CACNA1C: variants seen among roughly 807,000 people sequenced by gnomAD.
CACNA1C encodes calcium voltage-gated channel subunit alpha1 C, also known as voltage-dependent L-type calcium channel subunit alpha-1C.
Under a neutral mutation model 229.0 loss-of-function variants are expected in CACNA1C, and 30 were observed. The ratio of observed to expected loss-of-function variants is 0.13; its 90% CI spans 0.10 to 0.18. CACNA1C has a LOEUF of 0.18. CACNA1C is among the 10% of genes least tolerant of loss of function. The probability of loss-of-function intolerance (pLI) is 1.00; values close to 1 mark genes in which losing one functional copy is unlikely to be tolerated. For missense variants in CACNA1C, 1,658 were observed against 2,845.0 expected, an observed-to-expected ratio of 0.58 and a Z score of 9.49; for synonymous variants, 1,114 against 1,132.5, an observed-to-expected ratio of 0.98 and a Z score of 0.33.
At chr12:2,402,497 G>A (rs962282755) in intron 3 of CACNA1C, among the ~76,000 whole-genome samples, 1 of 152,244 alleles carries the variant, frequency 6.6e-6, no homozygotes, top group African/African-American at 2.4e-5. Context: ...AGGGTTTGCT[G>A]TCCCAGGCCT....
chr12:2,308,099 A>T (rs543565180), intron 3 of CACNA1C, among the ~76,000 whole-genome samples: 14 of 152,338 alleles, frequency 9.2e-5, no homozygotes, highest in African/African-American at 3.4e-4. Context: ...AAAACTGTGT[A>T]ATTATAGGAA....
intron 3 of CACNA1C, among the ~76,000 whole-genome samples, chr12:2,228,383 C>T (rs1467372639): frequency 6.6e-6 from 1 of 152,154 alleles, no homozygotes; most frequent in African/African-American, 2.4e-5. Context: ...AACTTACTTG[C>T]CCAGGTCTTA....
intron 1 of CACNA1C, among the ~76,000 whole-genome samples, chr12:2,091,530 A>G (rs1312286342): frequency 6.6e-6 from 1 of 152,206 alleles, no homozygotes; most frequent in Non-Finnish European, 1.5e-5. Flanking sequence ...CTCTACCTGC[A>G]AAGAGAACAA....
At position 2,275,742 on chromosome 12, in the gene CACNA1C, G is replaced by T. The variant is rs1411006012; in HGVS notation, c.477+155312G>T. Among the ~76,000 whole-genome samples the T allele has an allele frequency of 2.0e-5, 3 of 152,224 alleles. No individual in the cohort carries two copies. Among genetic ancestry groups the T allele is most frequent in the African/African-American group, 7.2e-5 (3 of 41,458 alleles). On this transcript the variant is annotated intron_variant, in intron 3 of 46. Transcript: ENST00000399655. The surrounding 1 kb of genome is among the most constrained non-coding windows in gnomAD (Gnocchi z 4.1). ...AGGAAACCATCGTTAGGGCACGGAA[G>T]CATAGGTGGGAGAAGACAGCCAGCA...
intron 1 of CACNA1C, among the ~76,000 whole-genome samples, chr12:2,057,029 A>C (rs546687014): frequency 1.3e-5 from 2 of 152,350 alleles, no homozygotes; most frequent in South Asian, 4.1e-4. Flanking sequence ...TCTTCTTCAT[A>C]GTAAAGGGAG....
chr12:2,225,934 C>T (rs1049598231), intron 3 of CACNA1C, among the ~76,000 whole-genome samples: 6 of 152,152 alleles, frequency 3.9e-5, no homozygotes, highest in Non-Finnish European at 8.8e-5. Flanking sequence ...GAAAATTCTA[C>T]AAGTCTGTAT....
intron 9 of CACNA1C, among the ~76,000 whole-genome samples, chr12:2,516,993 AG>A (rs1220386468): frequency 1.3e-5 from 2 of 152,218 alleles, no homozygotes; most frequent in African/African-American, 2.4e-5. Flanking sequence ...ATTGGGATAC[AG>A]GGAAAGAACC....
rs2050698856 is a variant in CACNA1C, at chr12:2,566,024, T to C, written c.1509-398T>C. Among the ~76,000 whole-genome samples the C allele has an allele frequency of 6.6e-6, 1 of 152,274 alleles. No individual in the cohort carries two copies. The highest frequency in any genetic ancestry group is 2.4e-5 in the African/African-American group (1 of 41,474). On this transcript the variant is annotated intron_variant, in intron 11 of 46. Coordinates refer to ENST00000399655, the MANE Select transcript of CACNA1C (RefSeq NM_000719.7). This position sits in a 1 kb window ranked among gnomAD's most constrained non-coding sequence, Gnocchi z 4.0. ...GCATGAGAAGTGCCTGATGTGGTACTGGGCCCCTCCTCCACTGTTACTAAT... is the reference window on the plus strand; with the variant it reads ...GCATGAGAAGTGCCTGATGTGGTACCGGGCCCCTCCTCCACTGTTACTAAT...
At chr12:2,311,547 C>T (rs1258181068) in intron 3 of CACNA1C, among the ~76,000 whole-genome samples, 2 of 152,162 alleles carry the variant, frequency 1.3e-5, no homozygotes, top group Non-Finnish European at 2.9e-5. Context: ...CTGCTTAAGC[C>T]ATCCTCTCTC....
At chr12:2,591,836 C>T (rs1411929495) in intron 18 of CACNA1C, among the ~76,000 whole-genome samples, 2 of 151,998 alleles carry the variant, frequency 1.3e-5, no homozygotes, top group Non-Finnish European at 2.9e-5. Flanking sequence ...GGGAAGAATC[C>T]TCACTTGCCT....
intron 1 of CACNA1C, among the ~76,000 whole-genome samples, chr12:2,109,357 A>T (rs1214318045): frequency 6.6e-6 from 1 of 152,162 alleles, no homozygotes; most frequent in Non-Finnish European, 1.5e-5. Context: ...TGAAGAAGGG[A>T]TCACCTGAGC....
At chr12:2,625,469 G>A (rs539542994) in intron 29 of CACNA1C, among the ~76,000 whole-genome samples, 25 of 152,250 alleles carry the variant, frequency 1.6e-4, no homozygotes, top group East Asian at 3.9e-4. Context: ...CAGTGCTTCC[G>A]GCCCTGCGCT....
intron 3 of CACNA1C, among the ~76,000 whole-genome samples, chr12:2,423,212 C>T (rs1306216419): frequency 2.0e-5 from 3 of 152,108 alleles, no homozygotes; most frequent in Non-Finnish European, 4.4e-5. Context: ...CGGATGTCAG[C>T]TAGTATCTAG....
intron 1 of CACNA1C, among the ~76,000 whole-genome samples, chr12:2,114,291 G>T (rs11835699): frequency 6.6e-6 from 1 of 152,166 alleles, no homozygotes; most frequent in Non-Finnish European, 1.5e-5. Flanking sequence ...CTCACAGCAT[G>T]GCAGCTCAGG....
chr12:2,289,241 A>G (rs1049114433), intron 3 of CACNA1C, among the ~76,000 whole-genome samples: 9 of 152,108 alleles, frequency 5.9e-5, no homozygotes, highest in African/African-American at 1.7e-4. Flanking sequence ...AGCAGGTGGG[A>G]AAAAAGAGCC....
At chr12:2,311,809 G>T (rs1025734083) in intron 3 of CACNA1C, among the ~76,000 whole-genome samples, 5 of 152,204 alleles carry the variant, frequency 3.3e-5, no homozygotes, top group African/African-American at 1.2e-4. Context: ...GCATTTAAAA[G>T]TAGCATGAAA....
chr12:2,060,228 TGTGGG>T (rs2056957356), intron 1 of CACNA1C, among the ~76,000 whole-genome samples: 1 of 152,214 alleles, frequency 6.6e-6, no homozygotes, highest in Non-Finnish European at 1.5e-5. Context: ...CGGGCTGTGC[TGTGGG>T]ACTTCCCTGG....
chr12:2,349,871 G>C (rs2097155778), intron 3 of CACNA1C, among the ~76,000 whole-genome samples: 1 of 152,186 alleles, frequency 6.6e-6, no homozygotes, highest in Non-Finnish European at 1.5e-5. Flanking sequence ...ATCTGACTAG[G>C]AGTTTTGAAA....
chr12:2,159,666 A>G (rs1046763527), intron 3 of CACNA1C, among the ~76,000 whole-genome samples: 2 of 146,488 alleles, frequency 1.4e-5, no homozygotes, highest in African/African-American at 2.6e-5. Flanking sequence ...GTGCAACGGC[A>G]TAATCTCGGC....
Sources: allele counts gnomAD v4.1 joint callset (sites outside exome capture counted in the v4.1 genomes callset), GRCh38; gene constraint gnomAD v4.1.1; non-coding constraint Gnocchi (gnomAD v3.1); transcripts MANE v1.5; gene names NCBI Gene and HGNC (gene_info 2026-07-23, HGNC 2026-07-21).